ZNF892: variants seen among roughly 807,000 people sequenced by gnomAD.
The protein encoded by ZNF892 is zinc finger protein 570-like.
the ZNF892 span, among the ~76,000 whole-genome samples, chr2:95,257,435 T>C: frequency 2.0e-5 from 3 of 152,192 alleles, no homozygotes; most frequent in Non-Finnish European, 4.4e-5. Flanking sequence ...CTGGACGTTT[T>C]GTCTCAGAGG....
chr2:95,250,500 TTTA>T, the ZNF892 span, among the ~76,000 whole-genome samples: 3 of 149,182 alleles, frequency 2.0e-5, no homozygotes, highest in Non-Finnish European at 4.5e-5. Context: ...GTAATAAATG[TTTA>T]TTATTTGTTT....
chr2:95,217,188 C>T, the ZNF892 span, among the ~76,000 whole-genome samples: 1 of 152,158 alleles, frequency 6.6e-6, no homozygotes, highest in Admixed American at 6.5e-5. Context: ...GCTCCCTCTT[C>T]TTATCAGTCC....
chr2:95,254,690 G>A, the ZNF892 span, among the ~76,000 whole-genome samples: 5 of 152,056 alleles, frequency 3.3e-5, no homozygotes, highest in Non-Finnish European at 7.4e-5. Context: ...GGTAGAATTC[G>A]GCTGTGAATC....
chr2:95,250,885 TAATA>T, the ZNF892 span, among the ~76,000 whole-genome samples: 3 of 147,342 alleles, frequency 2.0e-5, no homozygotes, highest in Non-Finnish European at 4.5e-5. Flanking sequence ...TATTACATAT[TAATA>T]AATGCTTAAA....
the ZNF892 span, among the ~76,000 whole-genome samples, chr2:95,235,879 G>A: frequency 6.6e-6 from 1 of 152,204 alleles, no homozygotes; most frequent in African/African-American, 2.4e-5. Context: ...AAAAGAGGAA[G>A]AAGCTCAAAG....
the ZNF892 span, among the ~76,000 whole-genome samples, chr2:95,232,577 G>C: frequency 1.3e-5 from 2 of 152,174 alleles, no homozygotes; most frequent in Non-Finnish European, 2.9e-5. Flanking sequence ...CCCCAGCTCA[G>C]TGTTTGTCTC....
the ZNF892 span, among the ~76,000 whole-genome samples, chr2:95,249,231 A>ATT: frequency 1.2e-3 from 71 of 57,126 alleles, 4 homozygotes; most frequent in Non-Finnish European, 2.0e-3. Flanking sequence ...ATATATATAT[A>ATT]TTTTTTTTTT....
At chr2:95,231,076 C>T in the ZNF892 span, among the ~76,000 whole-genome samples, 1 of 152,214 alleles carries the variant, frequency 6.6e-6, no homozygotes, top group Non-Finnish European at 1.5e-5. Flanking sequence ...AGCAATCTGA[C>T]TCCTGGATGT....
At chr2:95,224,991 TTTGGACTTCCTA>T in the ZNF892 span, among the ~76,000 whole-genome samples, 1 of 152,190 alleles carries the variant, frequency 6.6e-6, no homozygotes, top group Non-Finnish European at 1.5e-5. Flanking sequence ...GCTCCTTGAT[TTTGGACTTCCTA>T]GGCTCCAGAA....
the ZNF892 span, among the ~76,000 whole-genome samples, chr2:95,217,832 G>T: frequency 4.6e-4 from 70 of 152,266 alleles, 1 homozygote; most frequent in East Asian, 0.011. Flanking sequence ...GGACAATTCT[G>T]CCCCTAAGTC....
chr2:95,251,042 T>C, the ZNF892 span, among the ~76,000 whole-genome samples: 2 of 150,608 alleles, frequency 1.3e-5, no homozygotes, highest in African/African-American at 4.8e-5. Context: ...GCTTAAATAA[T>C]AAATATTACA....
At chr2:95,210,823 A>G in the ZNF892 span, among the ~76,000 whole-genome samples, 1 of 152,170 alleles carries the variant, frequency 6.6e-6, no homozygotes. Context: ...AATGGAAGGA[A>G]CATGTGTTCT....
At chr2:95,243,936 G>T in the ZNF892 span, among the ~76,000 whole-genome samples, 1 of 152,210 alleles carries the variant, frequency 6.6e-6, no homozygotes, top group Non-Finnish European at 1.5e-5. Context: ...GAAATCGGAT[G>T]GTTGCCGTGT....
the ZNF892 span, among the ~76,000 whole-genome samples, chr2:95,225,195 T>G: frequency 1.3e-5 from 2 of 152,236 alleles, no homozygotes; most frequent in Non-Finnish European, 2.9e-5. Context: ...ATTCTTTCCT[T>G]TTTTAAAAAA....
the ZNF892 span, among the ~76,000 whole-genome samples, chr2:95,213,486 C>T: frequency 6.6e-6 from 1 of 152,158 alleles, no homozygotes; most frequent in African/African-American, 2.4e-5. Context: ...ACTAGGAAGC[C>T]CAGGAACTTG....
chr2:95,215,036 G>A, the ZNF892 span: 1 of 513,424 alleles, frequency 1.9e-6, no homozygotes, highest in East Asian at 3.1e-5. Context: ...AACCTTATGA[G>A]TGTAATGAAT....
the ZNF892 span, chr2:95,207,698 G>C: frequency 2.5e-6 from 1 of 397,586 alleles, no homozygotes; most frequent in Non-Finnish European, 4.4e-6. Flanking sequence ...ACCCCCGGGT[G>C]GGGGCGCCAG....
the ZNF892 span, among the ~76,000 whole-genome samples, chr2:95,210,440 C>G: frequency 6.6e-6 from 1 of 152,036 alleles, no homozygotes; most frequent in Non-Finnish European, 1.5e-5. Context: ...TCAGCACTAA[C>G]AGATTCAAAA....
At chr2:95,227,730 C>T in the ZNF892 span, among the ~76,000 whole-genome samples, 1 of 152,124 alleles carries the variant, frequency 6.6e-6, no homozygotes, top group African/African-American at 2.4e-5. Context: ...AATTCTCCTG[C>T]CTCAGCTTCC....
Sources: allele counts gnomAD v4.1 joint callset (sites outside exome capture counted in the v4.1 genomes callset), GRCh38; gene constraint gnomAD v4.1.1; transcripts MANE v1.5; gene names NCBI Gene and HGNC (gene_info 2026-07-23, HGNC 2026-07-21).